The following UNC5D variants were observed in gnomAD, a reference collection of about 807,000 sequenced individuals.
UNC5D encodes unc-5 netrin receptor D, also known as netrin receptor UNC5D.
In UNC5D, 39 loss-of-function variants were observed where a neutral mutation model predicts 105.4. That is an observed-to-expected ratio of 0.37 (90% CI 0.29 to 0.48). The LOEUF (loss-of-function observed/expected upper bound fraction) is 0.48. UNC5D is among the 20% of genes least tolerant of loss of function. The probability of loss-of-function intolerance (pLI) is 0.98; values close to 1 mark genes in which losing one functional copy is unlikely to be tolerated. For synonymous variants in UNC5D, 452 were observed against 450.4 expected, an observed-to-expected ratio of 1.00 and a Z score of -0.04; for missense variants, 991 against 1,202.4, an observed-to-expected ratio of 0.82 and a Z score of 2.60.
chr8:35,711,696 T>G (rs1456886037), intron 8 of UNC5D, among the ~76,000 whole-genome samples: 2 of 152,186 alleles, frequency 1.3e-5, no homozygotes, highest in East Asian at 3.9e-4. Context: ...TCAACTTAGA[T>G]TTCATGTCTG....
In UNC5D at chr8:35,793,667, T is replaced by G. The variant is rs1165720799; in HGVS notation, c.*3104T>G. 1 of 152,786 alleles carries G rather than the reference T, an allele frequency of 6.5e-6. No homozygotes were observed. Among genetic ancestry groups the G allele is most frequent in the Non-Finnish European group, 1.5e-5 (1 of 68,154 alleles). 9.5% of individuals were successfully genotyped at this position (152,786 alleles called of 1,614,324 possible). On this transcript the variant is annotated 3_prime_UTR_variant, in exon 17 of 17. Coordinates refer to ENST00000404895, the MANE Select transcript of UNC5D (RefSeq NM_080872.4). The stretch of plus-strand genomic sequence containing the variant: ...AGTTAATTTACAGTTTTTACAACAT[T>G]GCTTCTACATTCTTACTGGTTTACA...
intron 2 of UNC5D, among the ~76,000 whole-genome samples, chr8:35,559,065 A>G (rs1816750655): frequency 6.6e-6 from 1 of 152,166 alleles, no homozygotes; most frequent in South Asian, 2.1e-4. Context: ...AAGGCCCAGC[A>G]TTACTCATGA....
intron 3 of UNC5D, among the ~76,000 whole-genome samples, chr8:35,570,337 C>T (rs1586155863): frequency 6.6e-6 from 1 of 152,196 alleles, no homozygotes; most frequent in Non-Finnish European, 1.5e-5. Context: ...AAAATTATTT[C>T]ATCTCTGTGT....
intron 4 of UNC5D, among the ~76,000 whole-genome samples, chr8:35,624,216 C>G (rs1005763162): frequency 6.6e-6 from 1 of 152,208 alleles, no homozygotes; most frequent in Non-Finnish European, 1.5e-5. Flanking sequence ...ACTCACATAA[C>G]ACTAATGGAT....
intron 1 of UNC5D, among the ~76,000 whole-genome samples, chr8:35,236,143 C>T (rs1018841138): frequency 6.6e-6 from 1 of 152,194 alleles, no homozygotes; most frequent in East Asian, 1.9e-4. Flanking sequence ...CTTGCCTGCT[C>T]CATTTTCCAA....
chr8:35,538,397 A>T (rs1234060203), intron 1 of UNC5D, among the ~76,000 whole-genome samples: 866 of 46,850 alleles, frequency 0.018, 4 homozygotes, highest in African/African-American at 0.041. Flanking sequence ...AAAAATAATT[A>T]TATATATATA....
intron 15 of UNC5D, among the ~76,000 whole-genome samples, chr8:35,768,941 A>T (rs1801891453): frequency 6.6e-6 from 1 of 152,186 alleles, no homozygotes; most frequent in African/African-American, 2.4e-5. Context: ...GATCCTTTCA[A>T]GGATCACTTT....
At chr8:35,311,127 A>G (rs1808847157) in intron 1 of UNC5D, among the ~76,000 whole-genome samples, 1 of 152,164 alleles carries the variant, frequency 6.6e-6, no homozygotes, top group Non-Finnish European at 1.5e-5. Context: ...ATTTCATAAA[A>G]GGAGAGGAGA....
chr8:35,737,334 C>CAG (rs1353152991), intron 11 of UNC5D, among the ~76,000 whole-genome samples: 1 of 149,022 alleles, frequency 6.7e-6, no homozygotes, highest in African/African-American at 2.5e-5. Context: ...AGATAATTCC[C>CAG]AGAATTCTGG....
At chr8:35,713,764 T>C (rs1310309272) in intron 8 of UNC5D, among the ~76,000 whole-genome samples, 1 of 152,158 alleles carries the variant, frequency 6.6e-6, no homozygotes. Context: ...GGAGAGAGCC[T>C]CTCAGTGAGG....
At chr8:35,364,248 C>T (rs1441472926) in intron 1 of UNC5D, among the ~76,000 whole-genome samples, 1 of 126,694 alleles carries the variant, frequency 7.9e-6, no homozygotes, top group Non-Finnish European at 1.7e-5. Flanking sequence ...TAAAGACATG[C>T]TTTCTCTTAT....
At chr8:35,329,095 T>C (rs2128892490) in intron 1 of UNC5D, among the ~76,000 whole-genome samples, 1 of 152,296 alleles carries the variant, frequency 6.6e-6, no homozygotes, top group South Asian at 2.1e-4. Context: ...ACTGTATCTC[T>C]TATATATCTA....
intron 1 of UNC5D, among the ~76,000 whole-genome samples, chr8:35,514,984 G>T (rs1813018206): frequency 6.6e-6 from 1 of 152,144 alleles, no homozygotes; most frequent in Non-Finnish European, 1.5e-5. Flanking sequence ...AGGGTCTAAT[G>T]AAACTACTAC....
At chr8:35,472,752 G>GTATTTAGT (rs1350393323) in intron 1 of UNC5D, among the ~76,000 whole-genome samples, 5 of 152,156 alleles carry the variant, frequency 3.3e-5, no homozygotes, top group African/African-American at 1.2e-4. Context: ...AACCATAGAA[G>GTATTTAGT]TATTTAGTTG....
At chr8:35,353,819 C>A (rs1812414574) in intron 1 of UNC5D, among the ~76,000 whole-genome samples, 1 of 152,086 alleles carries the variant, frequency 6.6e-6, no homozygotes. Flanking sequence ...TCTGCACATA[C>A]ACGTGTATAA....
intron 1 of UNC5D, among the ~76,000 whole-genome samples, chr8:35,240,461 GTACT>G (rs1802734754): frequency 6.6e-6 from 1 of 152,044 alleles, no homozygotes; most frequent in East Asian, 1.9e-4. Flanking sequence ...CCTAATAATA[GTACT>G]TACTTCATGT....
Position 35,686,568 on chromosome 8 carries a change from A to C in UNC5D, c.943A>C (p.Ser315Arg). ...AGTGGATGGGAGCTGGGAAGTGTGGAGCGAATGGTCCGTCTGCAGTCCAGA... is the reference window on the plus strand; with the variant it reads ...AGTGGATGGGAGCTGGGAAGTGTGGCGCGAATGGTCCGTCTGCAGTCCAGA... ...CPVDGSWEVW[S>R]EWSVCSPECE... is the part of the protein sequence containing the mutation. Residue 315 changes from serine (S) to arginine (R), a missense_variant, in exon 7 of 17, where the codon AGC becomes CGC. Transcript: ENST00000404895. 6.3e-7 allele frequency: 1 copy of C among 1,588,068 alleles called. No homozygotes were observed. Among genetic ancestry groups the C allele is most frequent in the Non-Finnish European group, 8.5e-7 (1 of 1,172,034 alleles).
intron 1 of UNC5D, among the ~76,000 whole-genome samples, chr8:35,278,227 G>A (rs961881451): frequency 2.0e-5 from 3 of 152,100 alleles, no homozygotes; most frequent in African/African-American, 7.2e-5. Context: ...GGAAAGTCAC[G>A]TGTGCTTCCG....
intron 12 of UNC5D, 137 bp from the exon 13 acceptor site, chr8:35,750,445 C>A: frequency 1.2e-6 from 1 of 854,980 alleles, no homozygotes; most frequent in Non-Finnish European, 1.9e-6. Context: ...GAACAGTTAA[C>A]ATCGGGATAA....
Sources: gnomAD v4.1 joint callset for allele counts (sites outside exome capture counted in the v4.1 genomes callset) on GRCh38, gnomAD v4.1.1 for gene constraint, MANE v1.5 for transcripts, NCBI Gene and HGNC (gene_info 2026-07-23, HGNC 2026-07-21) for gene names.